The following ERAP1 variants were observed in gnomAD, a reference collection of about 807,000 sequenced individuals.
ERAP1 encodes the protein adipocyte-derived leucine aminopeptidase.
Under a neutral mutation model 103.7 loss-of-function variants are expected in ERAP1, and 86 were observed. That is an observed-to-expected ratio of 0.83 (90% CI 0.70 to 0.99). The LOEUF (loss-of-function observed/expected upper bound fraction) is 0.99, where lower values mean the gene tolerates loss of function less well. Ranked by LOEUF, ERAP1 falls within the 50% of genes least tolerant of loss-of-function variation. The pLI is 0.00. For synonymous variants in ERAP1, 398 were observed against 402.4 expected, an observed-to-expected ratio of 0.99 and a Z score of 0.13; for missense variants, 1,009 against 1,128.4, an observed-to-expected ratio of 0.89 and a Z score of 1.52.
intron 19 of ERAP1, chr5:96,767,998 A>G (rs1256882178): frequency 6.3e-7 from 1 of 1,597,068 alleles, no homozygotes; most frequent in South Asian, 1.1e-5. Context: ...AACACAGCAA[A>G]GGTACTGTGC....
Position 96,776,368 on chromosome 5 carries a change from T to G in ERAP1, c.*28A>C. On this transcript the variant is annotated 3_prime_UTR_variant, in exon 19 of 19. Coordinates refer to ENST00000443439, the MANE Select transcript of ERAP1 (RefSeq NM_001040458.3). ...TCAACAAAATGTTGGTGATTAGAGA[T>G]AACAGGAACCTGGCAAGGGAGGAAT... 6.3e-7 allele frequency: 1 copy of G among 1,596,254 alleles called. No homozygotes were observed. Among genetic ancestry groups the G allele is most frequent in the Non-Finnish European group, 8.5e-7 (1 of 1,170,822 alleles).
At chr5:96,903,457 G>A in the ERAP1 span, 9 of 1,613,840 alleles carry the variant, frequency 5.6e-6, no homozygotes, top group African/African-American at 1.3e-5. Context: ...TCACTATGAG[G>A]GTCATGGATG....
At chr5:96,873,210 C>A in the ERAP1 span, 4 of 378,478 alleles carry the variant, frequency 1.1e-5, no homozygotes, top group South Asian at 7.6e-5. Flanking sequence ...CATGAAAATT[C>A]GTGAAATCTT....
the ERAP1 span, among the ~76,000 whole-genome samples, chr5:96,895,821 T>C: frequency 1.3e-5 from 2 of 152,168 alleles, no homozygotes; most frequent in Non-Finnish European, 2.9e-5. Context: ...AAAACGAATA[T>C]AGTGGTCTGA....
downstream of ERAP1, chr5:96,771,749 C>A: frequency 8.5e-7 from 1 of 1,180,360 alleles, no homozygotes; most frequent in South Asian, 1.3e-5. Context: ...TATCTTCTGC[C>A]AATTTATGTG....
the ERAP1 span, among the ~76,000 whole-genome samples, chr5:96,914,321 C>T: frequency 6.6e-6 from 1 of 152,118 alleles, no homozygotes; most frequent in Non-Finnish European, 1.5e-5. Flanking sequence ...ATTCCTAGTT[C>T]CTTCTCTTTC....
the ERAP1 span, among the ~76,000 whole-genome samples, chr5:96,890,447 G>T: frequency 3.3e-5 from 5 of 152,310 alleles, no homozygotes; most frequent in African/African-American, 1.2e-4. Context: ...CTGCCATGCA[G>T]CCCAGTTTCT....
Position 96,775,173 on chromosome 5 carries a change from T to TGTTC in ERAP1, c.*1222_*1223insGAAC, listed in dbSNP as rs1194692613. On this transcript the variant is annotated 3_prime_UTR_variant, in exon 19 of 19. Transcript: ENST00000443439. ...TGACTTGAACTCCGTTGGTTTACCATGTTAGTAAACTGTGCTTTCTATTAT... is the reference window on the plus strand; with the variant it reads ...TGACTTGAACTCCGTTGGTTTACCATGTTCGTTAGTAAACTGTGCTTTCTATTAT... The TGTTC allele has an allele frequency of 1.0e-6, 1 of 982,100 alleles. No homozygotes were observed. The highest frequency in any genetic ancestry group is 1.8e-5 in the African/African-American group (1 of 54,266). 60.8% of individuals were successfully genotyped at this position (982,100 alleles called of 1,614,324 possible).
the ERAP1 span, among the ~76,000 whole-genome samples, chr5:96,825,906 T>G: frequency 6.6e-6 from 1 of 152,230 alleles, no homozygotes; most frequent in Non-Finnish European, 1.5e-5. Flanking sequence ...TGTGGTTAGC[T>G]AAAGTTTATC....
the ERAP1 span, chr5:96,901,738 C>T: frequency 1.4e-5 from 21 of 1,548,446 alleles, no homozygotes; most frequent in Non-Finnish European, 1.8e-5. Context: ...CTCGTTATTT[C>T]CTTAGCTTTC....
chr5:96,825,299 ATCTT>A, the ERAP1 span, among the ~76,000 whole-genome samples: 1 of 152,206 alleles, frequency 6.6e-6, no homozygotes, highest in Non-Finnish European at 1.5e-5. Context: ...TTTTCCAGCT[ATCTT>A]TCTGTTATTG....
At chr5:96,900,026 G>T in the ERAP1 span, 2 of 1,376,924 alleles carry the variant, frequency 1.5e-6, no homozygotes, top group Non-Finnish European at 2.0e-6. Context: ...ATTTCATATA[G>T]CTCTTTTAAT....
At chr5:96,786,149 CT>C in intron 12 of ERAP1, 178 bp from the exon 13 acceptor site, 1 of 655,820 alleles carries the variant, frequency 1.5e-6, no homozygotes. Flanking sequence ...CTAACACTAG[CT>C]TTAGACATCA....
At chr5:96,842,545 T>G in the ERAP1 span, among the ~76,000 whole-genome samples, 384 of 152,340 alleles carry the variant, frequency 2.5e-3, 2 homozygotes, top group African/African-American at 8.8e-3. Flanking sequence ...ATTAGTGATG[T>G]TGAGCATTTT....
chr5:96,891,572 TACACAC>T, the ERAP1 span, among the ~76,000 whole-genome samples: 18 of 133,230 alleles, frequency 1.4e-4, no homozygotes, highest in Admixed American at 7.3e-4. Flanking sequence ...ACATATATGG[TACACAC>T]ACACACACAC....
the ERAP1 span, among the ~76,000 whole-genome samples, chr5:96,850,665 T>C: frequency 6.6e-6 from 1 of 152,170 alleles, no homozygotes; most frequent in South Asian, 2.1e-4. Flanking sequence ...AGGTGATGGA[T>C]ATGTTAATTA....
the ERAP1 span, among the ~76,000 whole-genome samples, chr5:96,867,762 G>T: frequency 2.0e-4 from 30 of 152,238 alleles, no homozygotes; most frequent in Middle Eastern, 3.4e-3. Context: ...TGTATAATTT[G>T]TTTATTTACC....
At chr5:96,837,147 A>C in the ERAP1 span, among the ~76,000 whole-genome samples, 1 of 152,102 alleles carries the variant, frequency 6.6e-6, no homozygotes, top group Admixed American at 6.5e-5. Flanking sequence ...TCAATTCCTC[A>C]TGATAGTCAC....
the ERAP1 span, among the ~76,000 whole-genome samples, chr5:96,830,796 G>T: frequency 6.6e-6 from 1 of 152,152 alleles, no homozygotes; most frequent in Non-Finnish European, 1.5e-5. Flanking sequence ...TGCACACAGG[G>T]TGCTTCAGCT....
Sources: allele counts gnomAD v4.1 joint callset (sites outside exome capture counted in the v4.1 genomes callset), GRCh38; gene constraint gnomAD v4.1.1; transcripts MANE v1.5; gene names NCBI Gene and HGNC (gene_info 2026-07-23, HGNC 2026-07-21).